The following SMC3 variants were observed in gnomAD, a reference collection of about 807,000 sequenced individuals.
The protein encoded by SMC3 is structural maintenance of chromosomes protein 3.
In SMC3, 20 loss-of-function variants were observed where a neutral mutation model predicts 171.8. That is an observed-to-expected ratio of 0.12 (90% CI 0.08 to 0.17). SMC3 has a LOEUF of 0.17. SMC3 is among the 10% of genes least tolerant of loss of function. SMC3 has a pLI of 1.00. For missense variants in SMC3, 543 were observed against 1,420.4 expected (o/e 0.38, Z 9.93); for synonymous variants, 464 against 451.1 (o/e 1.03, Z -0.36).
rs61599911 is a variant in SMC3 at position 110,582,839 on chromosome 10, T to A, written c.804+197T>A. On this transcript the variant is annotated intron_variant, in intron 10 of 28. Coordinates refer to ENST00000361804, the MANE Select transcript of SMC3 (RefSeq NM_005445.4). ...TGTACCACCACACCTGTCTAGTTTT[T>A]AAATATATTGTAGAGACAAGGTCTT... Among the ~76,000 whole-genome samples the A allele has an allele frequency of 0.015, 2,274 of 151,950 alleles. 58 individuals are homozygous for A. The highest frequency in any genetic ancestry group is 0.052 in the African/African-American group (2,164 of 41,428).
chr10:110,578,471 G>A (rs1387467505), intron 6 of SMC3, among the ~76,000 whole-genome samples, 157 bp from the exon 7 acceptor site: 1 of 152,194 alleles, frequency 6.6e-6, no homozygotes, highest in Non-Finnish European at 1.5e-5. Context: ...AACATATAGA[G>A]GATAAACATA....
chr10:110,603,929 TACTAA>T lies in SMC3; in HGVS notation c.3583-300_3583-296del, dbSNP rs1861425870. On this transcript the variant is annotated intron_variant, in intron 28 of 28. Coordinates refer to ENST00000361804, the MANE Select transcript of SMC3 (RefSeq NM_005445.4). ...GCCAGTATGGTGAAACCCCCGTCTC[TACTAA>T]AAATACAAAAATTAGCTGGGCATGC... Among the ~76,000 whole-genome samples, 11 of 151,942 alleles carry T rather than the reference TACTAA, an allele frequency of 7.2e-5. No homozygotes were observed. In the South Asian group the frequency reaches 2.3e-3, roughly 31 times the overall value.
intron 3 of SMC3, 133 bp downstream of exon 3, chr10:110,573,878 T>C (rs530791097): frequency 1.4e-6 from 1 of 697,680 alleles, no homozygotes; most frequent in African/African-American, 1.8e-5. Flanking sequence ...TGCAGCTTAG[T>C]GTAGAGGGTT....
chr10:110,593,620 T>G lies in SMC3; in HGVS notation c.1963+397T>G, dbSNP rs550267242. Among the ~76,000 whole-genome samples, 418 of 152,196 alleles carry G rather than the reference T, an allele frequency of 2.7e-3. 1 individual carries two copies. Among genetic ancestry groups the G allele is most frequent in the Non-Finnish European group, 3.3e-3 (226 of 68,020 alleles). The stretch of plus-strand genomic sequence containing the variant: ...TGTATAATATGTCAGTTGAGCTGTA[T>G]GCATGTCTGATTAATATATCTTACA... On this transcript the variant is annotated intron_variant, in intron 18 of 28. Transcript: ENST00000361804.
At position 110,602,193 on chromosome 10, in the gene SMC3, G is replaced by A. The variant is rs780451781; in HGVS notation, c.3105+15G>A. 2.3e-5 allele frequency: 37 copies of A among 1,602,438 alleles called. No homozygotes were observed. The highest frequency in any genetic ancestry group is 2.9e-5 in the Non-Finnish European group (34 of 1,170,006). ...CTTTCAAACAGGTATGTTTCGCTTTGTAGTTAAAACATACACACAGAGGAC... is the reference window on the plus strand; with the variant it reads ...CTTTCAAACAGGTATGTTTCGCTTTATAGTTAAAACATACACACAGAGGAC... On this transcript the variant is annotated intron_variant, in intron 25 of 28. Coordinates refer to ENST00000361804, the MANE Select transcript of SMC3 (RefSeq NM_005445.4).
Position 110,598,124 on chromosome 10 carries a change from C to T in SMC3, c.2117-15C>T. ...TATTTACAACCTGGAGATAATTTTC[C>T]TTAGCCTTGTATATGGATTAATAAT... On this transcript the variant is annotated splice_polypyrimidine_tract_variant and intron_variant, in intron 19 of 28. Transcript: ENST00000361804. 6.2e-7 allele frequency: 1 copy of T among 1,612,066 alleles called. No homozygotes were observed. The highest frequency in any genetic ancestry group is 8.5e-7 in the Non-Finnish European group (1 of 1,178,766).
chr10:110,584,072 G>C (rs1590556846), intron 12 of SMC3, 110 bp downstream of exon 12: 2 of 1,524,730 alleles, frequency 1.3e-6, no homozygotes, highest in East Asian at 2.3e-5. Flanking sequence ...AATTCTTTTT[G>C]TATCTTTTTG....
At chr10:110,588,244 C>T (rs1861154841) in intron 13 of SMC3, among the ~76,000 whole-genome samples, 1 of 152,196 alleles carries the variant, frequency 6.6e-6, no homozygotes, top group African/African-American at 2.4e-5. Flanking sequence ...CCCACCTCGG[C>T]CTCCCAAAGT....
At chr10:110,584,790 TTTTA>T (rs1485178701) in intron 13 of SMC3, among the ~76,000 whole-genome samples, 3 of 151,958 alleles carry the variant, frequency 2.0e-5, no homozygotes, top group Non-Finnish European at 4.4e-5. Context: ...CCAGCAAAAT[TTTTA>T]TTTATTTTTT....
At chr10:110,581,692 T>G (rs1406184180) in intron 8 of SMC3, among the ~76,000 whole-genome samples, 1 of 152,196 alleles carries the variant, frequency 6.6e-6, no homozygotes, top group Admixed American at 6.5e-5. Flanking sequence ...GTTACTTATA[T>G]TCTACTGCTC....
rs1861463598 is a variant in SMC3 at position 110,605,979 on chromosome 10, C to G, written c.*1677C>G. 1.3e-5 allele frequency among the ~76,000 whole-genome samples: 2 copies of G among 152,034 alleles called. No individual in the cohort carries two copies. Among genetic ancestry groups the G allele is most frequent in the African/African-American group, 4.8e-5 (2 of 41,370 alleles). On this transcript the variant is annotated 3_prime_UTR_variant, in exon 29 of 29. Transcript: ENST00000361804. ...TCTTAATATTGTTCTTAAGCATTTC[C>G]CCAAGGATATTAGTATAATGAAATG...
At position 110,601,690 on chromosome 10, in the gene SMC3, A is replaced by C; in HGVS notation, c.2698A>C (p.Ser900Arg). 1 of 1,612,568 alleles carries C rather than the reference A, an allele frequency of 6.2e-7. No individual in the cohort carries two copies. The highest frequency in any genetic ancestry group is 8.5e-7 in the Non-Finnish European group (1 of 1,179,178). ...AGCTGGAATTAAGGAGCTTCAGAAG[A>C]GTATGGAGCGCTGGAAAAATATGGA... ...TEAGIKELQK[S>R]MERWKNMEKE... The change falls in exon 24 of 29, where the codon AGT (serine) becomes CGT (arginine). Residue 900 changes from serine to arginine, a missense_variant. Ser to Arg is a moderately radical substitution (Grantham distance 110). Around this residue, in one of 8 missense-constraint regions of SMC3, gnomAD observed 81 missense variants for 184.2 expected, o/e 0.44. Coordinates refer to ENST00000361804, the MANE Select transcript of SMC3 (RefSeq NM_005445.4).
intron 10 of SMC3, among the ~76,000 whole-genome samples, chr10:110,582,936 T>C (rs1288507931): frequency 6.6e-6 from 1 of 151,302 alleles, no homozygotes; most frequent in East Asian, 1.9e-4. Flanking sequence ...CTGAAGTTTT[T>C]TTTTTTTTTT....
At chr10:110,575,160 CTG>C (rs1445213319) in intron 3 of SMC3, among the ~76,000 whole-genome samples, 174 bp from the exon 4 acceptor site, 1 of 152,086 alleles carries the variant, frequency 6.6e-6, no homozygotes, top group Non-Finnish European at 1.5e-5. Flanking sequence ...CATTTCCTAC[CTG>C]ATTAGTCTGA....
In SMC3 at chr10:110,587,040, T is replaced by A. The variant is rs192610434; in HGVS notation, c.1306-2565T>A. Among the ~76,000 whole-genome samples the A allele has an allele frequency of 5.9e-5, 9 of 152,266 alleles. No individual in the cohort carries two copies. In the East Asian group the frequency reaches 1.5e-3, roughly 26 times the overall value. ...AAAACCTGCAGTATGAAAAATAAAA[T>A]GTCTTTTTGGTGGTTTTATTATGCT... On this transcript the variant is annotated intron_variant, in intron 13 of 28. Coordinates refer to ENST00000361804, the MANE Select transcript of SMC3 (RefSeq NM_005445.4).
At position 110,581,996 on chromosome 10, in the gene SMC3, G is replaced by A. The variant is rs1412736656; in HGVS notation, c.621G>A (p.Lys207=). The part of the protein sequence containing the change: ...EERLHTLEEE[K]EELAQYQKWD... ...GATTACATACTCTAGAGGAAGAAAA[G>A]GAAGAACTAGCTCAGTATCAGAAGT... is the stretch of plus-strand genomic sequence containing the variant. Residue 207 remains lysine, a synonymous_variant, in exon 9 of 29, where the codon AAG becomes AAA. Coordinates refer to ENST00000361804, the MANE Select transcript of SMC3 (RefSeq NM_005445.4). 4 of 1,613,138 alleles carry A rather than the reference G, an allele frequency of 2.5e-6. No individual in the cohort carries two copies. In the Admixed American group the frequency reaches 6.7e-5, roughly 27 times the overall value.
chr10:110,578,019 C>A (rs547435705), intron 6 of SMC3, 105 bp downstream of exon 6: 1 of 762,274 alleles, frequency 1.3e-6, no homozygotes, highest in South Asian at 1.5e-5. Context: ...CTCAAATGAT[C>A]CACCTCGGCT....
At chr10:110,585,945 A>G (rs970121944) in intron 13 of SMC3, among the ~76,000 whole-genome samples, 1 of 151,694 alleles carries the variant, frequency 6.6e-6, no homozygotes, top group Non-Finnish European at 1.5e-5. Flanking sequence ...CCACAGGCAC[A>G]TGCCACCACG....
intron 2 of SMC3, among the ~76,000 whole-genome samples, chr10:110,572,326 C>T (rs1361528620): frequency 6.6e-6 from 1 of 152,132 alleles, no homozygotes; most frequent in African/African-American, 2.4e-5. Flanking sequence ...GTCCATTTTC[C>T]AGTTATGTTG....
Sources: allele counts gnomAD v4.1 joint callset (sites outside exome capture counted in the v4.1 genomes callset), GRCh38; gene constraint gnomAD v4.1.1; regional missense constraint gnomAD v4.1.1; transcripts MANE v1.5; gene names NCBI Gene and HGNC (gene_info 2026-07-23, HGNC 2026-07-21).